The following HAAO variants were observed in gnomAD, a reference collection of about 807,000 sequenced individuals.
HAAO encodes 3-hydroxyanthranilate 3,4-dioxygenase.
In HAAO, 49 loss-of-function variants were observed where a neutral mutation model predicts 46.2. The ratio of observed to expected loss-of-function variants is 1.06; its 90% CI spans 0.84 to 1.34. The LOEUF is 1.34. Among genes scored for constraint, HAAO ranks in the 40% most tolerant of loss-of-function variants. The pLI is 0.00. For synonymous variants in HAAO, 157 were observed against 145.2 expected (o/e 1.08, Z -0.58); for missense variants, 408 against 364.5 (o/e 1.12, Z -0.97).
In HAAO at chr2:42,783,394, G is replaced by A. The variant is rs763902283; in HGVS notation, c.270C>T (p.Pro90=). 4 of 1,612,432 alleles carry A rather than the reference G, an allele frequency of 2.5e-6. No individual in the cohort carries two copies. The highest frequency in any genetic ancestry group is 1.1e-5 in the South Asian group (1 of 90,884). ...TGTTGGCAAACCTCTGTGGTGAGTG[G>A]GGCACCCTGGCAGGCAGGAGGAATA... is the stretch of plus-strand genomic sequence containing the variant. ...GEIFLLPARV[P]HSPQRFANTV... The change falls in exon 4 of 10, where the codon CCC becomes CCT. Residue 90 remains proline (P), a synonymous_variant. Coordinates refer to ENST00000294973, the MANE Select transcript of HAAO (RefSeq NM_012205.3).
chr2:42,788,421 C>T (rs1269085847), intron 2 of HAAO, 108 bp downstream of exon 2: 6 of 772,272 alleles, frequency 7.8e-6, no homozygotes, highest in Non-Finnish European at 1.4e-5. Flanking sequence ...CACATGTCCA[C>T]CCCTCTCCAG....
chr2:42,777,727 A>G (rs1469912757), intron 4 of HAAO, among the ~76,000 whole-genome samples: 3 of 152,222 alleles, frequency 2.0e-5, no homozygotes, highest in Non-Finnish European at 4.4e-5. Context: ...CATAATTTAG[A>G]ATCTAAAGTT....
chr2:42,787,025 C>G (rs1220885081), intron 2 of HAAO, among the ~76,000 whole-genome samples: 1 of 152,132 alleles, frequency 6.6e-6, no homozygotes, highest in African/African-American at 2.4e-5. Context: ...AAGTGCTGCA[C>G]CACCCCGCCA....
intron 7 of HAAO, among the ~76,000 whole-genome samples, chr2:42,769,205 A>C (rs1162895349): frequency 1.3e-5 from 2 of 152,198 alleles, no homozygotes; most frequent in African/African-American, 2.4e-5. Flanking sequence ...TTAAGGTAGC[A>C]ACTCTATCCT....
chr2:42,788,202 G>C (rs947475601), intron 2 of HAAO, among the ~76,000 whole-genome samples: 1 of 152,176 alleles, frequency 6.6e-6, no homozygotes, highest in African/African-American at 2.4e-5. Flanking sequence ...TTGTGGGGAG[G>C]GGACCAGGAC....
intron 3 of HAAO, 76 bp downstream of exon 3, chr2:42,783,708 G>A (rs1672178491): frequency 1.6e-6 from 2 of 1,272,822 alleles, no homozygotes; most frequent in Admixed American, 1.9e-5. Flanking sequence ...CTCAGCCAGG[G>A]CCAGGATGAG....
chr2:42,770,275 G>T, intron 5 of HAAO, 89 bp from the exon 6 acceptor site: 1 of 1,143,296 alleles, frequency 8.7e-7, no homozygotes, highest in Non-Finnish European at 1.3e-6. Flanking sequence ...TCACGGTCAG[G>T]TGCAGGTGCC....
At chr2:42,771,518 A>C (rs1289625049) in intron 4 of HAAO, among the ~76,000 whole-genome samples, 1 of 151,890 alleles carries the variant, frequency 6.6e-6, no homozygotes, top group Non-Finnish European at 1.5e-5. Flanking sequence ...TTTCAGGGTC[A>C]TGATTGCCTT....
intron 4 of HAAO, among the ~76,000 whole-genome samples, chr2:42,778,939 C>A (rs1671788507): frequency 6.6e-6 from 1 of 151,968 alleles, no homozygotes; most frequent in African/African-American, 2.4e-5. Flanking sequence ...CATGGTGAAA[C>A]CTTGTCTCTA....
At chr2:42,770,919 G>A (rs925848357) in intron 4 of HAAO, among the ~76,000 whole-genome samples, 21 of 152,180 alleles carry the variant, frequency 1.4e-4, no homozygotes, top group Admixed American at 2.6e-4. Context: ...TGTAAGTGGC[G>A]GAAGCAGGCC....
At chr2:42,786,559 C>G (rs1265805818) in intron 2 of HAAO, among the ~76,000 whole-genome samples, 1 of 152,210 alleles carries the variant, frequency 6.6e-6, no homozygotes, top group Non-Finnish European at 1.5e-5. Flanking sequence ...TTCCACCAGA[C>G]AGGGGCTGTT....
At chr2:42,788,755 C>T in intron 1 of HAAO, 148 bp from the exon 2 acceptor site, 1 of 668,222 alleles carries the variant, frequency 1.5e-6, no homozygotes, top group South Asian at 1.7e-5. Context: ...CCCCAACTCT[C>T]ATCCCCGGTT....
intron 2 of HAAO, among the ~76,000 whole-genome samples, chr2:42,787,317 C>T (rs955006701): frequency 6.6e-6 from 1 of 152,110 alleles, no homozygotes; most frequent in African/African-American, 2.4e-5. Flanking sequence ...ACAGGAGAGG[C>T]GGGTGCTGAG....
At position 42,767,723 on chromosome 2, in the gene HAAO, A is replaced by G. The variant is rs771507853; in HGVS notation, c.700-46T>C. 51 of 1,550,588 alleles carry G rather than the reference A, an allele frequency of 3.3e-5. No individual in the cohort carries two copies. In the East Asian group the frequency reaches 1.1e-3, roughly 34 times the overall value. On this transcript the variant is annotated intron_variant, in intron 8 of 9. Coordinates refer to ENST00000294973, the MANE Select transcript of HAAO (RefSeq NM_012205.3). Reference sequence around the variant, plus strand: ...AATCAAATGGAGACTGTTGGGCCTCATCACCTGGGTGAATGTCTGAGTCTG... The same window carrying G: ...AATCAAATGGAGACTGTTGGGCCTCGTCACCTGGGTGAATGTCTGAGTCTG...
Position 42,779,622 on chromosome 2 carries a change from A to G in HAAO, c.350+3692T>C, listed in dbSNP as rs983837679. On this transcript the variant is annotated intron_variant, in intron 4 of 9. Coordinates refer to ENST00000294973, the MANE Select transcript of HAAO (RefSeq NM_012205.3). ...GGCGTGAGCCACCGCGCCCAGCTTC[A>G]TGCTATTTTTATTAGAGCTTATTGT... Among the ~76,000 whole-genome samples the G allele has an allele frequency of 3.9e-5, 6 of 152,240 alleles. No individual in the cohort carries two copies. In the East Asian group the frequency reaches 7.7e-4, roughly 20 times the overall value.
chr2:42,780,276 C>T (rs1306674519), intron 4 of HAAO, among the ~76,000 whole-genome samples: 3 of 149,230 alleles, frequency 2.0e-5, no homozygotes, highest in East Asian at 2.0e-4. Flanking sequence ...GGTGCAATCT[C>T]GGCTCACTGC....
At chr2:42,770,220 G>GAGCACTCCCATCGGAGTGGCC in intron 5 of HAAO, 34 bp from the exon 6 acceptor site, 2 of 1,572,740 alleles carry the variant, frequency 1.3e-6, no homozygotes, top group Admixed American at 1.8e-5. Context: ...CAGGAGTGGC[G>GAGCACTCCCATCGGAGTGGCC]AGCACTCCCA....
At position 42,770,505 on chromosome 2, in the gene HAAO, G is replaced by T; in HGVS notation, c.428C>A (p.Pro143His). 2 of 1,550,706 alleles carry T rather than the reference G, an allele frequency of 1.3e-6. No homozygotes were observed. The highest frequency in any genetic ancestry group is 4.9e-5 in the East Asian group (2 of 41,036). Residue 143 changes from proline to histidine, a missense_variant, in exon 5 of 10, where the codon CCC becomes CAC. Coordinates refer to ENST00000294973, the MANE Select transcript of HAAO (RefSeq NM_012205.3). ...GCTGGGGGCTCACTCCTGGATGATG[G>T]GGGCCAACTGCGTGCCGAGGTCCTT... Reference protein sequence around the residue: ...YCKDLGTQLAPIIQEFFSSEQ... With the variant: ...YCKDLGTQLAHIIQEFFSSEQ...
In HAAO at chr2:42,792,508, C is replaced by G. The variant is rs941399527; in HGVS notation, c.29G>C (p.Trp10Ser). Residue 10 changes from tryptophan (W) to serine (S), a missense_variant, in exon 1 of 10, where the codon TGG becomes TCG. Transcript: ENST00000294973. Reference protein sequence around the residue: MERRLGVRAWVKENRGSFQP... With the variant: MERRLGVRASVKENRGSFQP... ...GAAGGAGCCCCGGTTCTCCTTCACC[C>G]AGGCCCTCACTCCCAGGCGGCGCTC... 5 of 1,593,392 alleles carry G rather than the reference C, an allele frequency of 3.1e-6. No individual in the cohort carries two copies. The highest frequency in any genetic ancestry group is 4.3e-6 in the Non-Finnish European group (5 of 1,170,598).
Sources: allele counts gnomAD v4.1 joint callset (sites outside exome capture counted in the v4.1 genomes callset), GRCh38; gene constraint gnomAD v4.1.1; transcripts MANE v1.5; gene names NCBI Gene and HGNC (gene_info 2026-07-23, HGNC 2026-07-21).